Variants in CPQ observed in about 807,000 individuals in gnomAD.
The protein encoded by CPQ is Ser-Met dipeptidase.
In CPQ, 37 loss-of-function variants were observed where a neutral mutation model predicts 45.7. The observed-to-expected ratio is 0.81, with a 90% confidence interval of 0.62 to 1.07. CPQ has a LOEUF of 1.07. CPQ is among the 50% of genes least tolerant of loss of function. The pLI is 0.00. For missense variants in CPQ, 537 were observed against 572.9 expected (o/e 0.94, Z 0.64); for synonymous variants, 186 against 205.8 (o/e 0.90, Z 0.82).
intron 5 of CPQ, among the ~76,000 whole-genome samples, chr8:97,013,740 T>G (rs959826544): frequency 6.6e-6 from 1 of 152,188 alleles, no homozygotes; most frequent in African/African-American, 2.4e-5. Flanking sequence ...AGGTAACTCT[T>G]GGAGGCAGAT....
intron 5 of CPQ, among the ~76,000 whole-genome samples, chr8:97,017,903 T>A (rs190122088): frequency 7.0e-4 from 106 of 152,264 alleles, no homozygotes; most frequent in African/African-American, 2.5e-3. Flanking sequence ...CTCTCTTGAA[T>A]GTGCCACCTC....
chr8:96,961,430 C>A (rs1813459865), intron 4 of CPQ, among the ~76,000 whole-genome samples: 1 of 151,928 alleles, frequency 6.6e-6, no homozygotes, highest in Admixed American at 6.6e-5. Flanking sequence ...GAATTCTTTA[C>A]CCATTTTGAA....
chr8:96,976,151 C>T (rs1026542742), intron 5 of CPQ, among the ~76,000 whole-genome samples: 6 of 133,554 alleles, frequency 4.5e-5, no homozygotes, highest in Non-Finnish European at 6.2e-5. Context: ...GTTCAGGATA[C>T]AAAATTAATG....
intron 1 of CPQ, among the ~76,000 whole-genome samples, chr8:96,762,172 G>C (rs1810413717): frequency 6.6e-6 from 1 of 152,120 alleles, no homozygotes; most frequent in Admixed American, 6.5e-5. Context: ...TTTAAGAATA[G>C]ACAATTATTT....
chr8:96,795,233 A>G (rs955145865), intron 2 of CPQ, among the ~76,000 whole-genome samples: 2 of 152,192 alleles, frequency 1.3e-5, no homozygotes, highest in Non-Finnish European at 2.9e-5. Context: ...TCTCACAATC[A>G]TGGTGGAAGG....
intron 7 of CPQ, among the ~76,000 whole-genome samples, chr8:97,137,372 T>A (rs1812078163): frequency 6.6e-6 from 1 of 152,206 alleles, no homozygotes; most frequent in South Asian, 2.1e-4. Context: ...TGGAATTAAA[T>A]GTCCCTTCCT....
rs146575014 is a variant in CPQ at position 97,030,334 on chromosome 8, G to A, written c.1053+840G>A. Among the ~76,000 whole-genome samples the A allele has an allele frequency of 8.7e-4, 132 of 151,718 alleles. 3 individuals carry two copies. In the South Asian group the frequency reaches 0.011, roughly 12 times the overall value. On this transcript the variant is annotated intron_variant, in intron 6 of 7. Transcript: ENST00000220763. ...CTTAAATTATCCAAATCGGAGAAGG[G>A]TTTCTTTTGTGAATTGTGTGTATGT...
intron 3 of CPQ, among the ~76,000 whole-genome samples, chr8:96,842,847 G>T (rs868332467): frequency 2.6e-5 from 4 of 152,188 alleles, no homozygotes; most frequent in Middle Eastern, 3.4e-3. Flanking sequence ...TAAAATGGGG[G>T]AAATATCTTC....
rs146390859 is a variant in CPQ, at chr8:96,918,191, C to T, written c.849+38186C>T. 4.0e-4 allele frequency among the ~76,000 whole-genome samples: 61 copies of T among 152,242 alleles called. No individual in the cohort carries two copies. The East Asian group carries it at 7.9e-3, about 20-fold the overall frequency. ...ACCTTTACCTGTTCCCCAAGAACAA[C>T]ACTTTCAACTCTTTTAGCTGTTCAC... On this transcript the variant is annotated intron_variant, in intron 4 of 7. Transcript: ENST00000220763.
chr8:96,905,760 CAAAAAAA>C (rs747470074), intron 4 of CPQ, among the ~76,000 whole-genome samples: 102 of 64,874 alleles, frequency 1.6e-3, no homozygotes, highest in Non-Finnish European at 2.9e-3. Flanking sequence ...CTGTCTTAAC[CAAAAAAA>C]AAAAAAAAAA....
intron 1 of CPQ, among the ~76,000 whole-genome samples, chr8:96,764,553 T>C (rs1447035149): frequency 2.0e-5 from 3 of 152,192 alleles, no homozygotes; most frequent in Non-Finnish European, 4.4e-5. Flanking sequence ...GTTAAATATG[T>C]GCAGTCTATT....
chr8:96,854,388 G>A (rs1303466841), intron 3 of CPQ, among the ~76,000 whole-genome samples: 1 of 149,768 alleles, frequency 6.7e-6, no homozygotes, highest in African/African-American at 2.5e-5. Context: ...AAAATTAGCA[G>A]GGCGTAGTGG....
intron 2 of CPQ, among the ~76,000 whole-genome samples, chr8:96,790,778 T>C (rs1178689145): frequency 6.6e-6 from 1 of 152,178 alleles, no homozygotes; most frequent in East Asian, 1.9e-4. Context: ...TGTCCTTTGC[T>C]GTATGCCCTT....
At chr8:97,063,472 T>C (rs1007755464) in intron 6 of CPQ, among the ~76,000 whole-genome samples, 3 of 152,194 alleles carry the variant, frequency 2.0e-5, no homozygotes, top group Non-Finnish European at 4.4e-5. Flanking sequence ...CAGAAACTCT[T>C]AATTAGGTTC....
At chr8:96,926,308 AGTCT>A (rs1316615473) in intron 4 of CPQ, among the ~76,000 whole-genome samples, 3 of 152,160 alleles carry the variant, frequency 2.0e-5, no homozygotes, top group African/African-American at 7.2e-5. Context: ...TCCAGATATA[AGTCT>A]GTCTCTTTGT....
intron 1 of CPQ, among the ~76,000 whole-genome samples, chr8:96,723,516 A>G (rs1284508586): frequency 6.6e-6 from 1 of 152,096 alleles, no homozygotes; most frequent in Non-Finnish European, 1.5e-5. Context: ...AAAAGGAGCT[A>G]TTGTGTCTGA....
rs35247469 is a variant in CPQ at position 96,730,866 on chromosome 8, C to CATATAT, written c.-34-53977_-34-53972dup. 6.3e-3 allele frequency among the ~76,000 whole-genome samples: 432 copies of CATATAT among 68,688 alleles called. 11 individuals carry two copies. Among genetic ancestry groups the CATATAT allele is most frequent in the African/African-American group, 9.6e-3 (190 of 19,692 alleles). 45.1% of individuals were successfully genotyped at this position (68,688 alleles called of 152,430 possible). A position where few individuals can be genotyped will look rare whatever the true frequency, so the allele number is the denominator to read the frequency against. ...GATCTAGATCAATTAACCATACATA[C>CATATAT]ATATATATATATATATATATATATA... is the stretch of plus-strand genomic sequence containing the variant. On this transcript the variant is annotated intron_variant, in intron 1 of 7. Transcript: ENST00000220763.
chr8:96,810,040 C>G (rs2130828599), intron 2 of CPQ, among the ~76,000 whole-genome samples: 1 of 152,244 alleles, frequency 6.6e-6, no homozygotes, highest in East Asian at 1.9e-4. Context: ...GCTCCCTCCC[C>G]CAGCCTTCCC....
chr8:96,709,053 C>A (rs765335803), intron 1 of CPQ, among the ~76,000 whole-genome samples: 7 of 151,960 alleles, frequency 4.6e-5, no homozygotes, highest in Non-Finnish European at 1.0e-4. Context: ...TTTTCTTTTT[C>A]TGTCATTGTT....
Sources: gnomAD v4.1 joint callset for allele counts (sites outside exome capture counted in the v4.1 genomes callset) on GRCh38, gnomAD v4.1.1 for gene constraint, MANE v1.5 for transcripts, NCBI Gene and HGNC (gene_info 2026-07-23, HGNC 2026-07-21) for gene names.